The following EML6 variants were observed in gnomAD, a reference collection of about 807,000 sequenced individuals.
The protein encoded by EML6 is echinoderm microtubule-associated protein-like 6.
EML6 carries 154 observed loss-of-function variants against 240.1 expected under a neutral mutation model. That is an observed-to-expected ratio of 0.64 (90% confidence interval 0.56 to 0.73). The LOEUF (loss-of-function observed/expected upper bound fraction) is 0.73. Among genes scored for constraint, EML6 ranks in the 30% least tolerant of loss-of-function variants. The probability of loss-of-function intolerance (pLI) is 0.00; values close to 1 mark genes in which losing one functional copy is unlikely to be tolerated. For synonymous variants in EML6, 1,148 were observed against 899.0 expected, an observed-to-expected ratio of 1.28 and a Z score of -4.95; for missense variants, 2,964 against 2,474.6, an observed-to-expected ratio of 1.20 and a Z score of -4.20.
rs769088881 is a variant in EML6, at chr2:54,737,857, C to G, written c.197+12599C>G. ...ATTTGGCCCCTTTTACCTCTGCGATCCAGTCTGTTTTCCCTACATTCCTTG... is the reference window on the plus strand; with the variant it reads ...ATTTGGCCCCTTTTACCTCTGCGATGCAGTCTGTTTTCCCTACATTCCTTG... On this transcript the variant is annotated intron_variant, in intron 2 of 41. Transcript: ENST00000356458. Among the ~76,000 whole-genome samples, 6 of 152,156 alleles carry G rather than the reference C, an allele frequency of 3.9e-5. No homozygotes were observed. In the South Asian group the frequency reaches 1.0e-3, roughly 26 times the overall value.
intron 13 of EML6, among the ~76,000 whole-genome samples, chr2:54,864,830 G>A (rs548876749): frequency 1.3e-5 from 2 of 152,108 alleles, no homozygotes; most frequent in Non-Finnish European, 2.9e-5. Context: ...CATTAAATTG[G>A]AATATTTTTC....
intron 2 of EML6, among the ~76,000 whole-genome samples, chr2:54,753,662 GT>G (rs59382484): frequency 0.086 from 11,553 of 133,742 alleles, 1,164 homozygotes; most frequent in African/African-American, 0.26. Flanking sequence ...GCAGTCCTGA[GT>G]TTTTTTTTTT....
chr2:54,885,600 A>G (rs189158506), intron 17 of EML6, among the ~76,000 whole-genome samples: 1 of 152,068 alleles, frequency 6.6e-6, no homozygotes, highest in Non-Finnish European at 1.5e-5. Context: ...CAATATCCAT[A>G]TTCACTTTTT....
chr2:54,915,928 A>C (rs1410537979), intron 25 of EML6, among the ~76,000 whole-genome samples: 1 of 152,246 alleles, frequency 6.6e-6, no homozygotes, highest in Admixed American at 6.5e-5. Flanking sequence ...CCAGAAAGCC[A>C]TAATGTTGTT....
At chr2:54,830,538 A>G (rs929473282) in intron 7 of EML6, among the ~76,000 whole-genome samples, 6 of 152,300 alleles carry the variant, frequency 3.9e-5, no homozygotes, top group Non-Finnish European at 5.9e-5. Flanking sequence ...GCTGTTCCTC[A>G]TGAAGCCCCC....
intron 2 of EML6, among the ~76,000 whole-genome samples, chr2:54,742,785 G>A (rs1409543704): frequency 6.6e-6 from 1 of 152,148 alleles, no homozygotes; most frequent in Non-Finnish European, 1.5e-5. Flanking sequence ...GCTTTGCAAA[G>A]TGAGTTGAAG....
Position 54,933,443 on chromosome 2 carries a change from T to G in EML6, c.4004+4692T>G, listed in dbSNP as rs575976963. Among the ~76,000 whole-genome samples the G allele has an allele frequency of 5.1e-4, 77 of 152,278 alleles. 2 individuals carry two copies. In the Middle Eastern group the frequency reaches 0.017, roughly 34 times the overall value. On this transcript the variant is annotated intron_variant, in intron 28 of 41. Transcript: ENST00000356458. ...TTAAAATGGCCCCATTTAAAACTAT[T>G]CTATATATAGGCCAGGCACGGTGGC...
rs13390851 is a variant in EML6, at chr2:54,925,522, A to C, written c.3676-2791A>C. Among the ~76,000 whole-genome samples the C allele has an allele frequency of 1.8e-3, 272 of 152,242 alleles. 2 individuals carry two copies. Among genetic ancestry groups the C allele is most frequent in the African/African-American group, 6.1e-3 (255 of 41,526 alleles). The stretch of plus-strand genomic sequence containing the variant: ...TGTTGGCTGCTAAAATCACGTCACT[A>C]TCTTGGCTCTTTTTCTCATTCTACT... On this transcript the variant is annotated intron_variant, in intron 26 of 41. Coordinates refer to ENST00000356458, the MANE Select transcript of EML6 (RefSeq NM_001039753.4).
At chr2:54,926,747 A>T (rs753871161) in intron 26 of EML6, among the ~76,000 whole-genome samples, 26 of 152,252 alleles carry the variant, frequency 1.7e-4, no homozygotes, top group African/African-American at 6.0e-4. Flanking sequence ...CTGCCTTGTT[A>T]TATCTCTTCA....
Position 54,844,157 on chromosome 2 carries a change from C to T in EML6, c.958C>T (p.Leu320=). The change falls in exon 8 of 42, where the codon CTA becomes TTA. Residue 320 remains leucine, a synonymous_variant. Coordinates refer to ENST00000356458, the MANE Select transcript of EML6 (RefSeq NM_001039753.4). ...AGAGCGAGACAAGCCGATGTTGATC[C>T]TACAGGGCCACTGCGAGGGTGAGCT... is the stretch of plus-strand genomic sequence containing the variant. ...VRERDKPMLI[L]QGHCEGELWA... 1 of 1,551,684 alleles carries T rather than the reference C, an allele frequency of 6.4e-7. No homozygotes were observed.
At chr2:54,938,462 G>T (rs1211601713) in intron 28 of EML6, among the ~76,000 whole-genome samples, 4 of 152,138 alleles carry the variant, frequency 2.6e-5, no homozygotes, top group Non-Finnish European at 5.9e-5. Context: ...CATGCTTATT[G>T]GCATTTTTCC....
chr2:54,806,293 A>G (rs1242525093), intron 2 of EML6, among the ~76,000 whole-genome samples: 4 of 152,110 alleles, frequency 2.6e-5, no homozygotes, highest in Non-Finnish European at 4.4e-5. Context: ...ATAGCTCTCT[A>G]TGTACATGAG....
At position 54,869,003 on chromosome 2, in the gene EML6, G is replaced by A. The variant is rs140601535; in HGVS notation, c.2052-178G>A. On this transcript the variant is annotated intron_variant, in intron 14 of 41. Transcript: ENST00000356458. Reference sequence around the variant, plus strand: ...TCAGTGCCCATGTGCCTTTTTGAGAGTCATCTCATGCCCTCAGACGGCCAC... The same window carrying A: ...TCAGTGCCCATGTGCCTTTTTGAGAATCATCTCATGCCCTCAGACGGCCAC... The A allele has an allele frequency of 2.3e-5, 12 of 511,366 alleles. No individual in the cohort carries two copies. In the East Asian group the frequency reaches 3.2e-4, roughly 14 times the overall value. The allele number at this position is 511,366 out of a possible 1,614,324, so 31.7% of individuals were successfully genotyped here.
rs542220520 is a variant in EML6 at position 54,751,564 on chromosome 2, A to C, written c.197+26306A>C. Among the ~76,000 whole-genome samples, 51 of 152,366 alleles carry C rather than the reference A, an allele frequency of 3.3e-4. No homozygotes were observed. In the South Asian group the frequency reaches 0.01, roughly 31 times the overall value. Reference sequence around the variant, plus strand: ...ACAAAAGGAAGGACAAATGCTCCGCAGCACACAGTAATACCCCGTCCCCTC... The same window carrying C: ...ACAAAAGGAAGGACAAATGCTCCGCCGCACACAGTAATACCCCGTCCCCTC... On this transcript the variant is annotated intron_variant, in intron 2 of 41. Coordinates refer to ENST00000356458, the MANE Select transcript of EML6 (RefSeq NM_001039753.4).
At chr2:54,906,459 C>A (rs1220681540) in intron 24 of EML6, among the ~76,000 whole-genome samples, 1 of 152,166 alleles carries the variant, frequency 6.6e-6, no homozygotes, top group African/African-American at 2.4e-5. Context: ...GAAAGAGAAG[C>A]AAACCTCCCT....
At chr2:54,896,676 C>T (rs1672788597) in intron 21 of EML6, among the ~76,000 whole-genome samples, 2 of 152,138 alleles carry the variant, frequency 1.3e-5, no homozygotes, top group African/African-American at 4.8e-5. Context: ...CAGGAGCTTC[C>T]CCTCCTTGCC....
intron 34 of EML6, among the ~76,000 whole-genome samples, chr2:54,959,818 A>C (rs1364401019): frequency 6.6e-6 from 1 of 152,208 alleles, no homozygotes; most frequent in Non-Finnish European, 1.5e-5. Context: ...AACAAACCAC[A>C]GTGACTTTGC....
intron 21 of EML6, among the ~76,000 whole-genome samples, chr2:54,896,243 T>C (rs10164641): frequency 0.36 from 55,421 of 152,018 alleles, 10,448 homozygotes; most frequent in Middle Eastern, 0.46. Flanking sequence ...GCCTTAGATG[T>C]AAGTCCTGTC....
chr2:54,803,147 G>A (rs1670271789), intron 2 of EML6, among the ~76,000 whole-genome samples: 2 of 152,188 alleles, frequency 1.3e-5, no homozygotes, highest in African/African-American at 2.4e-5. Flanking sequence ...TGAAGGGGAA[G>A]GGAGTTGTTC....
Sources: allele counts gnomAD v4.1 joint callset (sites outside exome capture counted in the v4.1 genomes callset), GRCh38; gene constraint gnomAD v4.1.1; transcripts MANE v1.5; gene names NCBI Gene and HGNC (gene_info 2026-07-23, HGNC 2026-07-21).